Variants in PTK2 observed in about 807,000 individuals in gnomAD.
PTK2 encodes protein tyrosine kinase 2.
A neutral mutation model predicts 150.1 loss-of-function variants in PTK2; 45 were observed. The ratio of observed to expected loss-of-function variants is 0.30; its 90% CI spans 0.24 to 0.38. The LOEUF is 0.38. Ranked by LOEUF, PTK2 falls within the 10% of genes least tolerant of loss-of-function variation. The probability of loss-of-function intolerance (pLI) is 1.00; values close to 1 mark genes in which losing one functional copy is unlikely to be tolerated. For missense variants in PTK2, 919 were observed against 1,307.3 expected (o/e 0.70, Z 4.58); for synonymous variants, 432 against 449.2 (o/e 0.96, Z 0.48).
intron 10 of PTK2, among the ~76,000 whole-genome samples, chr8:140,810,027 G>C (rs939441346): frequency 6.6e-6 from 1 of 152,172 alleles, no homozygotes; most frequent in African/African-American, 2.4e-5. Flanking sequence ...GGAGGAAGCT[G>C]GGAACCCTGC....
At chr8:140,770,069 A>C (rs1454533922) in intron 14 of PTK2, among the ~76,000 whole-genome samples, 3 of 152,220 alleles carry the variant, frequency 2.0e-5, no homozygotes, top group African/African-American at 4.8e-5. Context: ...GTGGGATTTA[A>C]ATATTATAAG....
intron 1 of PTK2, among the ~76,000 whole-genome samples, chr8:140,932,173 T>C (rs1258190732): frequency 6.6e-6 from 1 of 152,196 alleles, no homozygotes; most frequent in African/African-American, 2.4e-5. Context: ...TTAAACATAA[T>C]CACGCAATTT....
Position 140,938,176 on chromosome 8 carries a change from G to A in PTK2, c.-121-12427C>T, listed in dbSNP as rs112811166. 5.7e-3 allele frequency among the ~76,000 whole-genome samples: 863 copies of A among 152,266 alleles called. 11 individuals carry two copies. Among genetic ancestry groups the A allele is most frequent in the African/African-American group, 0.019 (790 of 41,558 alleles). ...GTCCATCACTAAGTCCACTAGTGTA[G>A]GGCTGTCCTGTTCCCTGTGCTTTCA... On this transcript the variant is annotated intron_variant, in intron 1 of 31. Coordinates refer to ENST00000522684, the Ensembl canonical transcript of PTK2.
intron 27 of PTK2, among the ~76,000 whole-genome samples, chr8:140,682,502 A>G (rs1206986571): frequency 6.6e-6 from 1 of 151,212 alleles, no homozygotes; most frequent in African/African-American, 2.4e-5. Flanking sequence ...ATATTTCTTT[A>G]GGTCACAAAG....
In PTK2 at chr8:140,907,440, C is replaced by T. The variant is rs556400817; in HGVS notation, c.-32-16671G>A. 2.6e-5 allele frequency among the ~76,000 whole-genome samples: 4 copies of T among 152,196 alleles called. No homozygotes were observed. In the East Asian group the frequency reaches 7.7e-4, roughly 29 times the overall value. Reference sequence around the variant, plus strand: ...AAAAGCTGAGTATTTGGGAGCATATCGAATTTCAGATTTTCAGATCAGGGA... The same window carrying T: ...AAAAGCTGAGTATTTGGGAGCATATTGAATTTCAGATTTTCAGATCAGGGA... On this transcript the variant is annotated intron_variant, in intron 2 of 31. Transcript: ENST00000522684.
At position 140,819,124 on chromosome 8, in the gene PTK2, A is replaced by C. The variant is rs1424246968; in HGVS notation, c.649-104T>G. ...TCCTACCAACTACTTACTAACACCTACATTCAAATTACTGCCAAAAAGTAT... is the reference window on the plus strand; with the variant it reads ...TCCTACCAACTACTTACTAACACCTCCATTCAAATTACTGCCAAAAAGTAT... On this transcript the variant is annotated intron_variant, in intron 8 of 31. Transcript: ENST00000522684. The C allele has an allele frequency of 6.2e-6, 7 of 1,135,762 alleles. No individual in the cohort carries two copies. The African/African-American group carries it at 1.1e-4, about 18-fold the overall frequency. 70.4% of individuals were successfully genotyped at this position (1,135,762 alleles called of 1,614,324 possible).
At chr8:140,862,861 TG>T (rs1273985228) in intron 5 of PTK2, among the ~76,000 whole-genome samples, 3 of 152,168 alleles carry the variant, frequency 2.0e-5, no homozygotes, top group Admixed American at 1.3e-4. Flanking sequence ...CCTGTGGCCC[TG>T]GTCTGTAGAA....
chr8:140,923,739 G>T (rs1201903133), intron 2 of PTK2, among the ~76,000 whole-genome samples: 1 of 152,020 alleles, frequency 6.6e-6, no homozygotes, highest in Non-Finnish European at 1.5e-5. Context: ...TTTAGTACTG[G>T]CATATTTTAA....
intron 10 of PTK2, among the ~76,000 whole-genome samples, chr8:140,808,551 T>G (rs542495354): frequency 1.1e-4 from 17 of 152,154 alleles, no homozygotes; most frequent in Admixed American, 9.2e-4. Context: ...TTAACAACTG[T>G]GAAACAGTTA....
chr8:140,747,286 G>C (rs573443665), intron 17 of PTK2: 1 of 170,816 alleles, frequency 5.9e-6, no homozygotes. Flanking sequence ...CAATTCCACA[G>C]GTCAGTTCAG....
At chr8:140,813,234 A>G (rs2100102666) in intron 10 of PTK2, among the ~76,000 whole-genome samples, 1 of 152,230 alleles carries the variant, frequency 6.6e-6, no homozygotes. Context: ...AAATTTGCCC[A>G]AAACCACACA....
At chr8:140,853,720 GA>G (rs1431039110) in intron 5 of PTK2, among the ~76,000 whole-genome samples, 1 of 152,060 alleles carries the variant, frequency 6.6e-6, no homozygotes, top group Non-Finnish European at 1.5e-5. Context: ...AAATATACAA[GA>G]GTGAAAAAGG....
intron 4 of PTK2, among the ~76,000 whole-genome samples, chr8:140,869,319 T>C (rs896939972): frequency 1.3e-5 from 2 of 152,194 alleles, no homozygotes; most frequent in African/African-American, 2.4e-5. Context: ...CTAAAGAACA[T>C]GCTTCTAAAG....
chr8:140,948,091 T>A (rs34496768), intron 1 of PTK2, among the ~76,000 whole-genome samples: 67,144 of 151,800 alleles, frequency 0.44, 15,250 homozygotes, highest in Admixed American at 0.55. Flanking sequence ...AAGTAGCTAG[T>A]CCTGCTTCCC....
chr8:140,937,075 A>T (rs187453176), intron 1 of PTK2, among the ~76,000 whole-genome samples: 61 of 152,290 alleles, frequency 4.0e-4, no homozygotes, highest in African/African-American at 1.4e-3. Context: ...AAAGCATTTG[A>T]TTTCTGATCC....
At chr8:140,839,547 C>T (rs1204904766) in intron 7 of PTK2, among the ~76,000 whole-genome samples, 1 of 151,914 alleles carries the variant, frequency 6.6e-6, no homozygotes, top group Non-Finnish European at 1.5e-5. Flanking sequence ...AAGATTACAT[C>T]ACATGAAATG....
intron 10 of PTK2, among the ~76,000 whole-genome samples, chr8:140,805,097 G>A (rs1295604978): frequency 2.0e-5 from 3 of 152,104 alleles, no homozygotes; most frequent in Non-Finnish European, 4.4e-5. Flanking sequence ...CAGTCCTGGG[G>A]CGTTAAGTAC....
intron 8 of PTK2, among the ~76,000 whole-genome samples, chr8:140,819,666 A>T (rs932336983): frequency 6.6e-6 from 1 of 152,260 alleles, no homozygotes; most frequent in African/African-American, 2.4e-5. Flanking sequence ...ATGAAAAAAG[A>T]TGACAAAACA....
chr8:140,770,855 A>G (rs1325823910), intron 14 of PTK2, 56 bp from the exon 15 acceptor site: 20 of 896,440 alleles, frequency 2.2e-5, no homozygotes, highest in Admixed American at 3.6e-5. Context: ...ATTTCAATAC[A>G]AAAGACAACT....
Sources: gnomAD v4.1 joint callset for allele counts (sites outside exome capture counted in the v4.1 genomes callset) on GRCh38, gnomAD v4.1.1 for gene constraint, MANE v1.5 for transcripts, NCBI Gene and HGNC (gene_info 2026-07-23, HGNC 2026-07-21) for gene names.